The following PDZD2 variants were observed in gnomAD, a reference collection of about 807,000 sequenced individuals.
PDZD2 encodes PDZ domain containing 2.
A neutral mutation model predicts 220.7 loss-of-function variants in PDZD2; 90 were observed. That is an observed-to-expected ratio of 0.41 (90% confidence interval 0.34 to 0.49). The LOEUF is 0.49. Among genes scored for constraint, PDZD2 ranks in the 20% least tolerant of loss-of-function variants. The pLI is 0.28. For synonymous variants in PDZD2, 1,375 were observed against 1,450.5 expected (o/e 0.95, Z 1.18); for missense variants, 3,174 against 3,608.5 (o/e 0.88, Z 3.08).
At position 31,799,464 on chromosome 5, in the gene PDZD2, C is replaced by A; in HGVS notation, c.216C>A (p.Tyr72Ter). 6.2e-7 allele frequency: 1 copy of A among 1,614,172 alleles called. No homozygotes were observed. Among genetic ancestry groups the A allele is most frequent in the Non-Finnish European group, 8.5e-7 (1 of 1,180,016 alleles). ...SPPEMEICTV[Y>*]LTKELGDTET... The stretch of plus-strand genomic sequence containing the variant: ...CCGAAATGGAGATCTGTACTGTGTA[C>A]CTCACCAAGGAGCTGGGGGACACAG... Residue 72 changes from tyrosine to a stop codon, truncating the protein, a stop_gained, in exon 2 of 25, where the codon TAC becomes TAA. Coordinates refer to ENST00000438447, the MANE Select transcript of PDZD2 (RefSeq NM_178140.4). LOFTEE classifies it high-confidence loss of function.
At chr5:31,869,479 C>T (rs1561526832) in intron 2 of PDZD2, among the ~76,000 whole-genome samples, 1 of 143,448 alleles carries the variant, frequency 7.0e-6, no homozygotes, top group Non-Finnish European at 1.6e-5. Context: ...AGGAGAATGG[C>T]CGTGAACCTG....
chr5:32,100,898 A>G, intron 23 of PDZD2: 1 of 1,588,382 alleles, frequency 6.3e-7, no homozygotes, highest in Non-Finnish European at 8.5e-7. Context: ...CAGCAGCAAC[A>G]CAGCCAGGAG....
chr5:32,055,531 A>C (rs1317485573), intron 10 of PDZD2, among the ~76,000 whole-genome samples: 1 of 70,632 alleles, frequency 1.4e-5, no homozygotes, highest in Non-Finnish European at 3.4e-5. Flanking sequence ...CCAGAGCATG[A>C]ATCCCGATTT....
At chr5:32,105,672 T>A (rs1398666054) in intron 24 of PDZD2, among the ~76,000 whole-genome samples, 1 of 152,206 alleles carries the variant, frequency 6.6e-6, no homozygotes, top group African/African-American at 2.4e-5. Flanking sequence ...CACCAATTCA[T>A]GGTAAGCATA....
At chr5:32,058,134 A>T in intron 12 of PDZD2, 31 bp downstream of exon 12, 1 of 1,075,886 alleles carries the variant, frequency 9.3e-7, no homozygotes, top group Non-Finnish European at 1.4e-6. Flanking sequence ...CCTTTGTCTC[A>T]TTTCTTGAAT....
intron 2 of PDZD2, among the ~76,000 whole-genome samples, chr5:31,943,630 G>A (rs1054590522): frequency 6.6e-6 from 1 of 152,182 alleles, no homozygotes; most frequent in African/African-American, 2.4e-5. Context: ...GCTTAGCTAC[G>A]TAGAAGCCAC....
chr5:31,841,501 C>T (rs1372798217), intron 2 of PDZD2, among the ~76,000 whole-genome samples: 5 of 152,112 alleles, frequency 3.3e-5, no homozygotes, highest in African/African-American at 9.7e-5. Context: ...GGTGAAACCC[C>T]GTCTCAACTG....
rs1485459484 is a variant in PDZD2, at chr5:31,936,225, C to A, written c.477-46930C>A. ...TGTATTTTTGTTGATAGTTAATAAC[C>A]CAGGACTTTAAAGACCTGAATGGAG... is the stretch of plus-strand genomic sequence containing the variant. On this transcript the variant is annotated intron_variant, in intron 2 of 24. Transcript: ENST00000438447. 5 of 987,510 alleles carry A rather than the reference C, an allele frequency of 5.1e-6. No homozygotes were observed. In the African/African-American group the frequency reaches 8.7e-5, roughly 17 times the overall value. The allele number at this position is 987,510 out of a possible 1,614,324, so 61.2% of individuals were successfully genotyped here. A position where few individuals can be genotyped will look rare whatever the true frequency, so the allele number is the denominator to read the frequency against.
chr5:31,791,233 GA>G (rs1202337119), intron 1 of PDZD2, among the ~76,000 whole-genome samples: 1 of 152,140 alleles, frequency 6.6e-6, no homozygotes, highest in Non-Finnish European at 1.5e-5. Context: ...TAAGCAAAGT[GA>G]TAGTTCTCTT....
At position 31,780,312 on chromosome 5, in the gene PDZD2, G is replaced by C. The variant is rs992496174; in HGVS notation, c.-360-18577G>C. ...TGGGATTCTGCGCCTTAAGGATGCC[G>C]GGGGGGCTTCAGCCTCTGCCTTTGC... On this transcript the variant is annotated intron_variant, in intron 1 of 24. Coordinates refer to ENST00000438447, the MANE Select transcript of PDZD2 (RefSeq NM_178140.4). Among the ~76,000 whole-genome samples the C allele has an allele frequency of 1.6e-4, 6 of 36,784 alleles. No individual in the cohort carries two copies. The East Asian group carries it at 6.3e-3, about 38-fold the overall frequency. 24.1% of individuals were successfully genotyped at this position (36,784 alleles called of 152,430 possible).
intron 1 of PDZD2, among the ~76,000 whole-genome samples, chr5:31,683,207 T>A (rs1320335628): frequency 6.2e-5 from 8 of 129,056 alleles, no homozygotes; most frequent in East Asian, 2.3e-4. Context: ...ATCAGAATGT[T>A]AAAAAAAAAA....
intron 2 of PDZD2, among the ~76,000 whole-genome samples, chr5:31,899,889 G>A (rs74478283): frequency 0.035 from 5,381 of 152,286 alleles, 145 homozygotes; most frequent in Non-Finnish European, 0.053. Context: ...CACTCAACCC[G>A]CCGGGGCCTT....
At chr5:31,891,071 A>G (rs1036436975) in intron 2 of PDZD2, among the ~76,000 whole-genome samples, 3 of 148,426 alleles carry the variant, frequency 2.0e-5, no homozygotes, top group African/African-American at 7.5e-5. Flanking sequence ...TCACCTTCTC[A>G]TTCTCGCTGC....
chr5:31,945,428 CTT>C (rs528988991), intron 2 of PDZD2, among the ~76,000 whole-genome samples: 14 of 152,240 alleles, frequency 9.2e-5, no homozygotes, highest in East Asian at 3.9e-4. Flanking sequence ...ATTGCCATCT[CTT>C]GTTTGTTTCT....
intron 19 of PDZD2, among the ~76,000 whole-genome samples, chr5:32,078,638 T>TA (rs66500422): frequency 1.5e-3 from 156 of 104,920 alleles, no homozygotes; most frequent in South Asian, 0.013. Context: ...TCTCAAAAAT[T>TA]AAAAAAAAAA....
chr5:31,863,180 C>A (rs563643991), intron 2 of PDZD2, among the ~76,000 whole-genome samples: 1 of 152,174 alleles, frequency 6.6e-6, no homozygotes, highest in African/African-American at 2.4e-5. Flanking sequence ...CCACTGCGCC[C>A]GGCCATGAGA....
At position 32,069,575 on chromosome 5, in the gene PDZD2, G is replaced by C; in HGVS notation, c.2458G>C (p.Glu820Gln). 6.3e-7 allele frequency: 1 copy of C among 1,581,224 alleles called. No homozygotes were observed. Among genetic ancestry groups the C allele is most frequent in the Non-Finnish European group, 8.7e-7 (1 of 1,150,244 alleles). Residue 820 changes from glutamate to glutamine, a missense_variant, in exon 15 of 25, where the codon GAG becomes CAG. Physicochemically the swap from Glu to Gln is conservative, Grantham distance 29. Transcript: ENST00000438447. ...IGRHPNPKVSEQEMDEVIARS... is the reference protein window; with the variant it reads ...IGRHPNPKVSQQEMDEVIARS... ...GCTTTCTGCTGAAAATCAGGTTTCC[G>C]AGCAGGAAATGGATGAAGTCATAGC...
rs1427805083 is a variant in PDZD2 at position 32,088,216 on chromosome 5, G to C, written c.4768G>C (p.Asp1590His). Reference protein sequence around the residue: ...PRSRVSLHKEDPSESEEEQIE... With the variant: ...PRSRVSLHKEHPSESEEEQIE... ...TTCCCGTGTGTCTTTGCACAAGGAA[G>C]ATCCTTCGGAGTCAGAAGAGGAACA... is the stretch of plus-strand genomic sequence containing the variant. Residue 1590 changes from aspartate (D) to histidine (H), a missense_variant, in exon 20 of 25, where the codon GAT becomes CAT. Coordinates refer to ENST00000438447, the MANE Select transcript of PDZD2 (RefSeq NM_178140.4). This position sits in a 1 kb window ranked among gnomAD's most constrained non-coding sequence, Gnocchi z 4.6. The C allele has an allele frequency of 1.9e-6, 3 of 1,614,056 alleles. No homozygotes were observed. Among genetic ancestry groups the C allele is most frequent in the Non-Finnish European group, 2.5e-6 (3 of 1,180,034 alleles).
At chr5:31,781,605 T>C (rs1162285178) in intron 1 of PDZD2, among the ~76,000 whole-genome samples, 1 of 152,258 alleles carries the variant, frequency 6.6e-6, no homozygotes, top group Non-Finnish European at 1.5e-5. Context: ...CCCAGAAGCA[T>C]AAGCAAATGA....
Sources: allele counts gnomAD v4.1 joint callset (sites outside exome capture counted in the v4.1 genomes callset), GRCh38; gene constraint gnomAD v4.1.1; non-coding constraint Gnocchi (gnomAD v3.1); transcripts MANE v1.5; gene names NCBI Gene and HGNC (gene_info 2026-07-23, HGNC 2026-07-21).